GYPE: variants seen among roughly 807,000 people sequenced by gnomAD.
GYPE encodes glycophorin-E.
GYPE carries 8 observed loss-of-function variants against 11.6 expected under a neutral mutation model. The observed-to-expected ratio is 0.69, with a 90% CI of 0.41 to 1.25. The LOEUF (loss-of-function observed/expected upper bound fraction) is 1.25. Ranked by LOEUF, GYPE falls within the 50% of genes most tolerant of loss-of-function variation. The probability of loss-of-function intolerance (pLI) is 0.01; values close to 1 mark genes in which losing one functional copy is unlikely to be tolerated. For synonymous variants in GYPE, 28 were observed against 29.6 expected (o/e 0.94, Z 0.18); for missense variants, 90 against 92.8 (o/e 0.97, Z 0.12).
At chr4:143,901,555 G>A (rs75929357) in intron 1 of GYPE, among the ~76,000 whole-genome samples, 10,191 of 151,734 alleles carry the variant, frequency 0.067, 902 homozygotes, top group African/African-American at 0.19. Flanking sequence ...TACTAAAGAT[G>A]TGGATATGAT....
intron 1 of GYPE, among the ~76,000 whole-genome samples, chr4:143,890,113 T>A (rs1744346879): frequency 6.6e-6 from 1 of 152,212 alleles, no homozygotes; most frequent in South Asian, 2.1e-4. Flanking sequence ...ATAAAGATGA[T>A]AATTCACCTT....
At chr4:143,882,584 T>C (rs1744082737) in intron 1 of GYPE, among the ~76,000 whole-genome samples, 1 of 152,216 alleles carries the variant, frequency 6.6e-6, no homozygotes, top group South Asian at 2.1e-4. Flanking sequence ...CCAGAAGCCT[T>C]AAATGGGCAT....
chr4:143,904,354 CT>C (rs1253089088), intron 1 of GYPE, among the ~76,000 whole-genome samples: 1 of 152,050 alleles, frequency 6.6e-6, no homozygotes, highest in African/African-American at 2.4e-5. Context: ...TTTGTTTAAT[CT>C]TTACGCAATT....
At chr4:143,897,645 C>G (rs1466831495) in intron 1 of GYPE, among the ~76,000 whole-genome samples, 1 of 152,120 alleles carries the variant, frequency 6.6e-6, no homozygotes, top group East Asian at 1.9e-4. Flanking sequence ...TGTTTTGAGC[C>G]TGATGAACCT....
intron 1 of GYPE, among the ~76,000 whole-genome samples, chr4:143,896,740 G>A (rs62335167): frequency 5.9e-5 from 9 of 152,088 alleles, no homozygotes; most frequent in Non-Finnish European, 1.2e-4. Flanking sequence ...CACAATAGCA[G>A]AGACTTGGAA....
chr4:143,903,538 A>AAAAAAG (rs1553989204), intron 1 of GYPE, among the ~76,000 whole-genome samples: 23 of 149,470 alleles, frequency 1.5e-4, no homozygotes, highest in African/African-American at 3.7e-4. Flanking sequence ...AAAAAAAAAA[A>AAAAAAG]AAAAGAAAAA....
Position 143,876,781 on chromosome 4 carries a change from T to G in GYPE, c.211A>C (p.Ile71Leu). Residue 71 changes from isoleucine to leucine, a missense_variant, in exon 3 of 4, where the codon ATC becomes CTC. Coordinates refer to ENST00000358615, the MANE Select transcript of GYPE (RefSeq NM_198682.3). ...CATCGAATACAGTAAGAAATTAAGA[T>G]GATCATTCCAACAACAACAAGCATC... is the stretch of plus-strand genomic sequence containing the variant. ...EVMLVVVGMI[I>L]LISYCIR The G allele has an allele frequency of 3.1e-6, 5 of 1,607,158 alleles. No individual in the cohort carries two copies. The highest frequency in any genetic ancestry group is 4.3e-6 in the Non-Finnish European group (5 of 1,174,452).
chr4:143,889,458 T>C (rs563347938), intron 1 of GYPE, among the ~76,000 whole-genome samples: 2 of 152,178 alleles, frequency 1.3e-5, no homozygotes, highest in African/African-American at 2.4e-5. Flanking sequence ...GTCTCTGAAA[T>C]TATCTGAGCC....
rs76148075 is a variant in GYPE, at chr4:143,891,325, G to C, written c.38-10816C>G. Among the ~76,000 whole-genome samples, 7 of 2,656 alleles carry C rather than the reference G, an allele frequency of 2.6e-3. 1 individual carries two copies. The highest frequency in any genetic ancestry group is 0.25 in the East Asian group (1 of 4). The allele number at this position is 2,656 out of a possible 152,430, so 1.7% of individuals were successfully genotyped here. On this transcript the variant is annotated intron_variant, in intron 1 of 3. Transcript: ENST00000358615. ...TATTATTATTATTTTGATTTTTTTT[G>C]TTTCTTTTTTTTTTTTTTTTTGAGA... is the stretch of plus-strand genomic sequence containing the variant.
At chr4:143,882,723 G>T (rs1313615885) in intron 1 of GYPE, among the ~76,000 whole-genome samples, 2 of 152,102 alleles carry the variant, frequency 1.3e-5, no homozygotes, top group Admixed American at 1.3e-4. Context: ...TCCTCTCCAT[G>T]CTTCTCCTTT....
intron 1 of GYPE, among the ~76,000 whole-genome samples, chr4:143,882,343 CAATT>C (rs1483137870): frequency 4.0e-5 from 6 of 151,646 alleles, no homozygotes; most frequent in South Asian, 4.2e-4. Flanking sequence ...CTTTATGAGT[CAATT>C]AAAGTATGTA....
intron 2 of GYPE, 79 bp downstream of exon 2, chr4:143,880,332 G>A (rs185810980): frequency 1.2e-6 from 2 of 1,608,114 alleles, no homozygotes; most frequent in African/African-American, 2.7e-5. Flanking sequence ...TTTCTCTGCA[G>A]TGACAGGTCC....
intron 1 of GYPE, among the ~76,000 whole-genome samples, chr4:143,894,327 G>T (rs547031165): frequency 6.6e-6 from 1 of 152,134 alleles, no homozygotes; most frequent in Admixed American, 6.5e-5. Context: ...GTCATTATCC[G>T]TCCAGCTTTG....
chr4:143,892,491 G>A (rs1274581543), intron 1 of GYPE, among the ~76,000 whole-genome samples: 1 of 151,806 alleles, frequency 6.6e-6, no homozygotes, highest in East Asian at 1.9e-4. Context: ...ATGTGTCCCA[G>A]AGATTCTGGT....
At chr4:143,875,423 G>A (rs1345716369) in intron 3 of GYPE, 1 of 1,547,220 alleles carries the variant, frequency 6.5e-7, no homozygotes, top group African/African-American at 1.4e-5. Context: ...AGGAATAGCA[G>A]GTGCAGCCAG....
intron 1 of GYPE, among the ~76,000 whole-genome samples, chr4:143,897,577 G>C (rs1332005143): frequency 1.3e-5 from 2 of 152,196 alleles, no homozygotes; most frequent in African/African-American, 4.8e-5. Context: ...GTGTGTGTGT[G>C]AGTCTGTGTG....
chr4:143,891,656 AG>A (rs1189917441), intron 1 of GYPE, among the ~76,000 whole-genome samples: 1 of 152,114 alleles, frequency 6.6e-6, no homozygotes, highest in East Asian at 1.9e-4. Flanking sequence ...TACTTAAAAA[AG>A]TAAAAATCAT....
chr4:143,872,094 A>C lies in GYPE; in HGVS notation c.*168T>G, dbSNP rs1475799275. ...TCTCTACGCCTTTGAGAGACTCAGC[A>C]TTTAGTTTCTGACTCCTAGAGTCCC... On this transcript the variant is annotated 3_prime_UTR_variant, in exon 4 of 4. Coordinates refer to ENST00000358615, the MANE Select transcript of GYPE (RefSeq NM_198682.3). 3 of 152,616 alleles carry C rather than the reference A, an allele frequency of 2.0e-5. No homozygotes were observed. The highest frequency in any genetic ancestry group is 2.9e-5 in the Non-Finnish European group (2 of 68,002). 9.5% of individuals were successfully genotyped at this position (152,616 alleles called of 1,614,324 possible). A position where few individuals can be genotyped will look rare whatever the true frequency, so the allele number is the denominator to read the frequency against.
chr4:143,879,070 A>G (rs574181368), intron 2 of GYPE, among the ~76,000 whole-genome samples: 1 of 152,310 alleles, frequency 6.6e-6, no homozygotes, highest in South Asian at 2.1e-4. Context: ...TCCCATGCAA[A>G]GAGGGATCAT....
Sources: allele counts gnomAD v4.1 joint callset (sites outside exome capture counted in the v4.1 genomes callset), GRCh38; gene constraint gnomAD v4.1.1; transcripts MANE v1.5; gene names NCBI Gene and HGNC (gene_info 2026-07-23, HGNC 2026-07-21).